Variants in DST observed in about 807,000 individuals in gnomAD.
DST encodes dystonin.
Under a neutral mutation model 875.2 loss-of-function variants are expected in DST, and 253 were observed. The observed-to-expected ratio is 0.29, with a 90% CI of 0.26 to 0.32. The LOEUF is 0.32. DST is among the 10% of genes least tolerant of loss of function. DST has a pLI of 1.00. For synonymous variants in DST, 3,124 were observed against 3,197.1 expected, an observed-to-expected ratio of 0.98 and a Z score of 0.77; for missense variants, 8,287 against 9,111.6, an observed-to-expected ratio of 0.91 and a Z score of 3.68.
chr6:56,893,767 C>T (rs1240752394), intron 3 of DST, among the ~76,000 whole-genome samples: 1 of 48,382 alleles, frequency 2.1e-5, no homozygotes, highest in Non-Finnish European at 3.5e-5. Flanking sequence ...GTTTGTGTCC[C>T]TGGGTACTTA....
chr6:56,674,490 T>C (rs1207605760), intron 9 of DST, among the ~76,000 whole-genome samples: 6 of 152,010 alleles, frequency 3.9e-5, no homozygotes, highest in Non-Finnish European at 2.9e-5. Context: ...GGAGACAGGG[T>C]TTCACCATGT....
chr6:56,843,178 T>C, intron 4 of DST: 1 of 1,524,268 alleles, frequency 6.6e-7, no homozygotes, highest in Non-Finnish European at 8.9e-7. Context: ...ACTGACAAAT[T>C]CCCCTCTCCC....
chr6:56,532,974 G>T (rs927024419), intron 63 of DST, among the ~76,000 whole-genome samples: 10 of 152,136 alleles, frequency 6.6e-5, no homozygotes, highest in African/African-American at 2.2e-4. Context: ...TATAGACAAG[G>T]AAGTTAAGAC....
chr6:56,665,858 A>C (rs542097357), intron 10 of DST, among the ~76,000 whole-genome samples: 1 of 152,350 alleles, frequency 6.6e-6, no homozygotes, highest in Non-Finnish European at 1.5e-5. Flanking sequence ...AATTGTTTTA[A>C]AAATGGAGTC....
intron 4 of DST, among the ~76,000 whole-genome samples, chr6:56,754,661 T>A (rs2099597220): frequency 6.6e-6 from 1 of 152,164 alleles, no homozygotes; most frequent in South Asian, 2.1e-4. Context: ...TTACATATAT[T>A]AGAGCTGGAT....
At chr6:56,881,130 T>C (rs1781999976) in intron 3 of DST, among the ~76,000 whole-genome samples, 1 of 151,460 alleles carries the variant, frequency 6.6e-6, no homozygotes, top group Non-Finnish European at 1.5e-5. Flanking sequence ...ATTACAGGCA[T>C]GAGCCACCAC....
chr6:56,619,561 T>C, intron 36 of DST: 1 of 1,613,972 alleles, frequency 6.2e-7, no homozygotes, highest in Non-Finnish European at 8.5e-7. Flanking sequence ...CATGTGCCCT[T>C]GTGATTCTGT....
At chr6:56,819,582 A>G in intron 4 of DST, among the ~76,000 whole-genome samples, 1 of 152,336 alleles carries the variant, frequency 6.6e-6, no homozygotes, top group Non-Finnish European at 1.5e-5. Context: ...CTAACTATAT[A>G]ATCAGAAACA....
At chr6:56,470,008 A>G in intron 96 of DST, 51 bp from the exon 97 acceptor site, 3 of 1,604,998 alleles carry the variant, frequency 1.9e-6, no homozygotes, top group Non-Finnish European at 2.6e-6. Context: ...ATTACATAGT[A>G]CAATCCTTAA....
chr6:56,598,663 A>G lies in DST; in HGVS notation c.11741T>C (p.Val3914Ala), dbSNP rs1237545732. The G allele has an allele frequency of 6.2e-7, 1 of 1,610,450 alleles. No homozygotes were observed. The highest frequency in any genetic ancestry group is 1.3e-5 in the African/African-American group (1 of 74,984). ...TAAGAAGTTCTCTGTGTTTTTCACT[A>G]CTTCAGCCAATGCCTGTGCACTTCC... ...MQGSAQALAE[V>A]VKNTENFLKE... Residue 3914 changes from valine (V) to alanine (A), a missense_variant, in exon 46 of 104, where the codon GTA becomes GCA. Transcript: ENST00000680361.
At chr6:56,563,539 T>C (rs2097580160) in intron 55 of DST, among the ~76,000 whole-genome samples, 1 of 152,242 alleles carries the variant, frequency 6.6e-6, no homozygotes, top group African/African-American at 2.4e-5. Context: ...AGGTTGCCTG[T>C]TCACTCTGAT....
chr6:56,739,563 ACT>A (rs2099538683), intron 4 of DST, among the ~76,000 whole-genome samples: 1 of 152,136 alleles, frequency 6.6e-6, no homozygotes. Context: ...GCTGAGACCT[ACT>A]GGGCTGCATT....
At chr6:56,513,320 T>A (rs2096522127) in intron 72 of DST, among the ~76,000 whole-genome samples, 4 of 150,234 alleles carry the variant, frequency 2.7e-5, no homozygotes, top group African/African-American at 4.9e-5. Flanking sequence ...AACCTCCGCC[T>A]CCCAGGTTCA....
chr6:56,641,822 T>C, intron 17 of DST, 125 bp downstream of exon 17: 1 of 763,530 alleles, frequency 1.3e-6, no homozygotes, highest in Non-Finnish European at 2.0e-6. Context: ...GTGACACACA[T>C]TTTCAACTAA....
intron 3 of DST, among the ~76,000 whole-genome samples, chr6:56,858,982 TGG>T: frequency 6.6e-6 from 1 of 152,204 alleles, no homozygotes; most frequent in Non-Finnish European, 1.5e-5. Flanking sequence ...CTTGACCACA[TGG>T]TACTAAGTGC....
chr6:56,671,247 C>A (rs1398482139), intron 9 of DST, among the ~76,000 whole-genome samples: 2 of 152,160 alleles, frequency 1.3e-5, no homozygotes, highest in African/African-American at 4.8e-5. Flanking sequence ...ATTCTACGTT[C>A]TTCTTTCCTA....
chr6:56,668,290 C>T lies in DST; in HGVS notation c.1214+2351G>A, dbSNP rs138045122. Among the ~76,000 whole-genome samples the T allele has an allele frequency of 9.3e-3, 1,423 of 152,342 alleles. 17 individuals carry two copies. The highest frequency in any genetic ancestry group is 0.032 in the African/African-American group (1,344 of 41,568). The stretch of plus-strand genomic sequence containing the variant: ...ATGATGATGGCTGTGTCTACAGCCA[C>T]TAAACCTTCACTCAAGAAGATCTGG... On this transcript the variant is annotated intron_variant, in intron 10 of 103. Coordinates refer to ENST00000680361, the MANE Select transcript of DST (RefSeq NM_001374736.1).
rs752037882 is a variant in DST at position 56,487,280 on chromosome 6, A to G, written c.20878-7T>C. Reference sequence around the variant, plus strand: ...CGAGTGATTTCTGAAACTCCTAAATATTTAACAAGAAAAAAATGCGAATTT... The same window carrying G: ...CGAGTGATTTCTGAAACTCCTAAATGTTTAACAAGAAAAAAATGCGAATTT... On this transcript the variant is annotated splice_polypyrimidine_tract_variant and splice_region_variant and intron_variant, in intron 86 of 103. Coordinates refer to ENST00000680361, the MANE Select transcript of DST (RefSeq NM_001374736.1). The G allele has an allele frequency of 6.5e-7, 1 of 1,532,542 alleles. No individual in the cohort carries two copies. Among genetic ancestry groups the G allele is most frequent in the Non-Finnish European group, 8.8e-7 (1 of 1,139,644 alleles). The allele number at this position is 1,532,542 out of a possible 1,614,324, so 94.9% of individuals were successfully genotyped here.
At chr6:56,848,375 A>G (rs2099809457) in intron 4 of DST, among the ~76,000 whole-genome samples, 1 of 152,232 alleles carries the variant, frequency 6.6e-6, no homozygotes, top group Non-Finnish European at 1.5e-5. Flanking sequence ...ATTACTAAGT[A>G]ATGACCACTA....
Sources: gnomAD v4.1 joint callset for allele counts (sites outside exome capture counted in the v4.1 genomes callset) on GRCh38, gnomAD v4.1.1 for gene constraint, MANE v1.5 for transcripts, NCBI Gene and HGNC (gene_info 2026-07-23, HGNC 2026-07-21) for gene names.